TENM3: variants seen among roughly 807,000 people sequenced by gnomAD.
TENM3 encodes the protein teneurin transmembrane protein 3.
Under a neutral mutation model 255.1 loss-of-function variants are expected in TENM3, and 63 were observed. The observed-to-expected ratio is 0.25, with a 90% confidence interval of 0.20 to 0.30. The LOEUF (loss-of-function observed/expected upper bound fraction) is 0.30. TENM3 is among the 10% of genes least tolerant of loss of function. TENM3 has a pLI of 1.00. For missense variants in TENM3, 2,929 were observed against 3,461.1 expected, an observed-to-expected ratio of 0.85 and a Z score of 3.86; for synonymous variants, 1,306 against 1,322.3, an observed-to-expected ratio of 0.99 and a Z score of 0.27.
the TENM3 span, among the ~76,000 whole-genome samples, chr4:181,678,837 T>TAAAC: frequency 1.0e-4 from 5 of 49,578 alleles, no homozygotes; most frequent in South Asian, 1.1e-3. Context: ...AAGAATGTTT[T>TAAAC]AAACAAAAAA....
At chr4:182,134,729 C>T in the TENM3 span, among the ~76,000 whole-genome samples, 2 of 152,142 alleles carry the variant, frequency 1.3e-5, no homozygotes, top group Non-Finnish European at 2.9e-5. Flanking sequence ...TTCACTAAAG[C>T]AAACAAAGCC....
chr4:181,886,048 G>GTTT, the TENM3 span, among the ~76,000 whole-genome samples: 1,227 of 102,462 alleles, frequency 0.012, 27 homozygotes, highest in African/African-American at 0.04. Context: ...TTTTTCTTGG[G>GTTT]TTTTTTTTTT....
intron 3 of TENM3, among the ~76,000 whole-genome samples, chr4:182,398,776 G>A (rs1393931847): frequency 6.6e-6 from 1 of 152,204 alleles, no homozygotes; most frequent in Non-Finnish European, 1.5e-5. Flanking sequence ...AGGGTAAAAG[G>A]AAGTCATTAC....
intron 1 of TENM3, among the ~76,000 whole-genome samples, chr4:182,219,524 G>A (rs1235546318): frequency 6.6e-6 from 1 of 151,986 alleles, no homozygotes; most frequent in Non-Finnish European, 1.5e-5. Context: ...AATTAGCCAG[G>A]CGTAGTGTTG....
At chr4:182,775,420 C>T (rs939659419) in intron 24 of TENM3, among the ~76,000 whole-genome samples, 1 of 152,178 alleles carries the variant, frequency 6.6e-6, no homozygotes, top group Non-Finnish European at 1.5e-5. Flanking sequence ...AAAGCCATGA[C>T]CATGAAAACC....
At chr4:182,133,167 A>C in the TENM3 span, among the ~76,000 whole-genome samples, 1 of 152,258 alleles carries the variant, frequency 6.6e-6, no homozygotes, top group Non-Finnish European at 1.5e-5. Flanking sequence ...AAACAGGGTC[A>C]CGTCCTTAAG....
chr4:181,693,931 G>A, the TENM3 span, among the ~76,000 whole-genome samples: 3 of 152,030 alleles, frequency 2.0e-5, no homozygotes, highest in African/African-American at 7.2e-5. Flanking sequence ...ATCTTTTGGG[G>A]GTGATCAGAG....
chr4:182,620,383 TTGATATAG>T (rs1393615839), intron 4 of TENM3, among the ~76,000 whole-genome samples: 1 of 152,186 alleles, frequency 6.6e-6, no homozygotes, highest in Non-Finnish European at 1.5e-5. Context: ...TTGGCAGTGT[TTGATATAG>T]TGCAATGAAA....
the TENM3 span, among the ~76,000 whole-genome samples, chr4:181,658,028 A>T: frequency 1.3e-5 from 2 of 152,162 alleles, no homozygotes. Context: ...CTAAAAAACT[A>T]CCTATAGGGG....
intron 3 of TENM3, among the ~76,000 whole-genome samples, chr4:182,405,454 A>G (rs934701353): frequency 3.9e-5 from 6 of 152,230 alleles, no homozygotes; most frequent in Middle Eastern, 6.3e-3. Context: ...GAACTATGCT[A>G]GACACTAAAG....
At chr4:181,767,076 TC>T in the TENM3 span, among the ~76,000 whole-genome samples, 1 of 120,676 alleles carries the variant, frequency 8.3e-6, no homozygotes, top group Non-Finnish European at 1.7e-5. Flanking sequence ...CAAGGGGAAA[TC>T]CCGTCTCTAC....
At chr4:182,542,003 C>T (rs1038049561) in intron 3 of TENM3, among the ~76,000 whole-genome samples, 7 of 152,060 alleles carry the variant, frequency 4.6e-5, no homozygotes, top group African/African-American at 1.7e-4. Flanking sequence ...TTTGAGGCCT[C>T]AGTGAGCTAT....
At chr4:182,280,358 G>T (rs1387468475) in intron 1 of TENM3, among the ~76,000 whole-genome samples, 1 of 152,082 alleles carries the variant, frequency 6.6e-6, no homozygotes, top group East Asian at 1.9e-4. Context: ...ATTTTGGGAG[G>T]CAGAGACACT....
At chr4:182,096,034 G>T in the TENM3 span, among the ~76,000 whole-genome samples, 1 of 151,898 alleles carries the variant, frequency 6.6e-6, no homozygotes, top group African/African-American at 2.4e-5. Context: ...GGAGGCTGAG[G>T]TGGGAGGATT....
intron 13 of TENM3, among the ~76,000 whole-genome samples, chr4:182,718,882 G>A (rs1759422370): frequency 6.6e-6 from 1 of 152,184 alleles, no homozygotes; most frequent in Admixed American, 6.5e-5. Context: ...CACTATGCAA[G>A]CACCAAAAGG....
the TENM3 span, among the ~76,000 whole-genome samples, chr4:181,816,527 A>T: frequency 6.6e-6 from 1 of 150,794 alleles, no homozygotes; most frequent in African/African-American, 2.5e-5. Context: ...AAGGAACAAC[A>T]TATATGAAAC....
chr4:182,550,741 T>A (rs925866813), intron 3 of TENM3, among the ~76,000 whole-genome samples: 2 of 150,508 alleles, frequency 1.3e-5, no homozygotes, highest in Admixed American at 1.3e-4. Context: ...AGATGTCTAT[T>A]TTTTTTTAAC....
intron 3 of TENM3, among the ~76,000 whole-genome samples, chr4:182,535,025 G>C (rs1378300517): frequency 6.6e-6 from 1 of 152,168 alleles, no homozygotes. Flanking sequence ...AGTCAGGATT[G>C]CTGTGGTACT....
At chr4:182,735,801 G>A (rs747810343) in intron 16 of TENM3, among the ~76,000 whole-genome samples, 3 of 152,100 alleles carry the variant, frequency 2.0e-5, no homozygotes, top group African/African-American at 4.8e-5. Flanking sequence ...TAGAAAAATT[G>A]TGTATGCTGC....
Sources: gnomAD v4.1 joint callset for allele counts (sites outside exome capture counted in the v4.1 genomes callset) on GRCh38, gnomAD v4.1.1 for gene constraint, MANE v1.5 for transcripts, NCBI Gene and HGNC (gene_info 2026-07-23, HGNC 2026-07-21) for gene names.